The following EPHA3 variants were observed in gnomAD, a reference collection of about 807,000 sequenced individuals.
EPHA3 encodes the protein EPH receptor A3, also known as ephrin type-A receptor 3.
In EPHA3, 42 loss-of-function variants were observed where a neutral mutation model predicts 107.1. That is an observed-to-expected ratio of 0.39 (90% confidence interval 0.31 to 0.51). The LOEUF (loss-of-function observed/expected upper bound fraction) is 0.51, where lower values mean the gene tolerates loss of function less well. EPHA3 is among the 20% of genes least tolerant of loss of function. The pLI, the probability that EPHA3 is intolerant of heterozygous loss-of-function variation, is 0.78. For missense variants in EPHA3, 1,183 were observed against 1,211.2 expected (o/e 0.98, Z 0.35); for synonymous variants, 461 against 424.8 (o/e 1.09, Z -1.05).
chr3:89,208,464 A>AAGAAAGAAAGAAAGAAAGAAAG, intron 2 of EPHA3, among the ~76,000 whole-genome samples: 3 of 146,484 alleles, frequency 2.0e-5, no homozygotes, highest in Admixed American at 6.8e-5. Context: ...GAAAGAAAGA[A>AAGAAAGAAAGAAAGAAAGAAAG]AGAAAGAAAG....
At chr3:89,281,001 TTTA>T (rs1251767305) in intron 3 of EPHA3, among the ~76,000 whole-genome samples, 1 of 113,674 alleles carries the variant, frequency 8.8e-6, no homozygotes, top group Non-Finnish European at 1.8e-5. Context: ...TTACAAGATT[TTTA>T]TTATTTATTT....
At chr3:89,272,554 A>G (rs1298419520) in intron 3 of EPHA3, among the ~76,000 whole-genome samples, 2 of 151,950 alleles carry the variant, frequency 1.3e-5, no homozygotes, top group African/African-American at 4.8e-5. Context: ...GCTATGCCAG[A>G]TTTTTAAGTG....
At chr3:89,304,163 C>A (rs540481891) in intron 3 of EPHA3, among the ~76,000 whole-genome samples, 27 of 152,028 alleles carry the variant, frequency 1.8e-4, no homozygotes, top group African/African-American at 6.3e-4. Context: ...CTGTGGTTTT[C>A]CCTCCAACTT....
At chr3:89,123,946 G>C (rs1192208818) in intron 1 of EPHA3, among the ~76,000 whole-genome samples, 1 of 152,130 alleles carries the variant, frequency 6.6e-6, no homozygotes, top group East Asian at 1.9e-4. Context: ...TTACAGCTTT[G>C]ATAAATAACT....
chr3:89,229,121 C>G (rs1300440076), intron 3 of EPHA3, among the ~76,000 whole-genome samples: 2 of 151,840 alleles, frequency 1.3e-5, no homozygotes, highest in African/African-American at 4.8e-5. Context: ...GATGTAAGTG[C>G]TAAACAAAAG....
intron 3 of EPHA3, among the ~76,000 whole-genome samples, chr3:89,311,171 A>T (rs1706756293): frequency 6.6e-6 from 1 of 152,046 alleles, no homozygotes; most frequent in African/African-American, 2.4e-5. Flanking sequence ...TACATATATG[A>T]TGCCCCTCCC....
intron 11 of EPHA3, among the ~76,000 whole-genome samples, 154 bp from the exon 12 acceptor site, chr3:89,428,952 G>T (rs1458556460): frequency 5.9e-5 from 9 of 152,024 alleles, no homozygotes; most frequent in Non-Finnish European, 8.8e-5. Flanking sequence ...ATTTTCTAAT[G>T]AAACCTAGGG....
intron 3 of EPHA3, among the ~76,000 whole-genome samples, chr3:89,241,836 C>T (rs1704902653): frequency 6.6e-6 from 1 of 151,888 alleles, no homozygotes; most frequent in Admixed American, 6.6e-5. Flanking sequence ...TAAAAGAAAA[C>T]ATATTTTAAG....
chr3:89,471,413 G>C (rs2107574207), intron 15 of EPHA3, among the ~76,000 whole-genome samples: 1 of 152,222 alleles, frequency 6.6e-6, no homozygotes. Context: ...CTGTTGCCCA[G>C]GCTGGAGTGC....
intron 2 of EPHA3, among the ~76,000 whole-genome samples, chr3:89,162,957 C>T (rs1225551823): frequency 6.6e-6 from 1 of 152,146 alleles, no homozygotes; most frequent in Non-Finnish European, 1.5e-5. Context: ...ATTCAGGTGG[C>T]AAATTGCAGT....
At chr3:89,374,071 C>T (rs1421831545) in intron 5 of EPHA3, among the ~76,000 whole-genome samples, 1 of 151,664 alleles carries the variant, frequency 6.6e-6, no homozygotes, top group African/African-American at 2.4e-5. Context: ...ATTATACACT[C>T]TCCACACACA....
At position 89,357,106 on chromosome 3, in the gene EPHA3, C is replaced by CAAAAAAAA. The variant is rs56717904; in HGVS notation, c.1306+15039_1306+15046dup. The stretch of plus-strand genomic sequence containing the variant: ...CTGGTGAAAGAGTGAGACCCTGTCT[C>CAAAAAAAA]AAAAAAAAAAAAAAAAAAAAAAAAA... On this transcript the variant is annotated intron_variant, in intron 5 of 16. Transcript: ENST00000336596. 2.1e-3 allele frequency among the ~76,000 whole-genome samples: 33 copies of CAAAAAAAA among 15,996 alleles called. 6 individuals are homozygous for CAAAAAAAA. Among genetic ancestry groups the CAAAAAAAA allele is most frequent in the African/African-American group, 6.4e-3 (30 of 4,706 alleles). 10.5% of individuals were successfully genotyped at this position (15,996 alleles called of 152,430 possible).
At chr3:89,352,943 G>T (rs1363748390) in intron 5 of EPHA3, among the ~76,000 whole-genome samples, 1 of 132,892 alleles carries the variant, frequency 7.5e-6, no homozygotes, top group Non-Finnish European at 1.6e-5. Flanking sequence ...AAGAAAGAAA[G>T]AATCCACAGT....
intron 5 of EPHA3, among the ~76,000 whole-genome samples, chr3:89,362,562 TG>T (rs1433321212): frequency 1.3e-5 from 2 of 151,174 alleles, no homozygotes; most frequent in Non-Finnish European, 3.0e-5. Flanking sequence ...ATATGACTCC[TG>T]TAATGAGCAA....
chr3:89,288,283 T>G (rs1203920336), intron 3 of EPHA3, among the ~76,000 whole-genome samples: 1 of 152,194 alleles, frequency 6.6e-6, no homozygotes, highest in Non-Finnish European at 1.5e-5. Context: ...TCTTTCTAAA[T>G]GGATGTGTCA....
At chr3:89,163,879 A>T (rs920346815) in intron 2 of EPHA3, among the ~76,000 whole-genome samples, 9 of 152,230 alleles carry the variant, frequency 5.9e-5, no homozygotes, top group African/African-American at 2.2e-4. Flanking sequence ...TGAGGTCAAT[A>T]AAACTGGTCT....
chr3:89,194,452 G>A (rs1705789084), intron 2 of EPHA3, among the ~76,000 whole-genome samples: 1 of 151,950 alleles, frequency 6.6e-6, no homozygotes, highest in Non-Finnish European at 1.5e-5. Flanking sequence ...GTCTAGGTTG[G>A]ACTTTTATTA....
intron 5 of EPHA3, among the ~76,000 whole-genome samples, chr3:89,371,182 C>T (rs1708293072): frequency 1.3e-5 from 2 of 151,290 alleles, no homozygotes; most frequent in Admixed American, 6.6e-5. Flanking sequence ...GTTTTCATTC[C>T]AGTGATTATT....
In EPHA3 at chr3:89,323,140, A is replaced by G. The variant is rs1707082019; in HGVS notation, c.815-17776A>G. Among the ~76,000 whole-genome samples the G allele has an allele frequency of 2.0e-5, 3 of 152,158 alleles. No individual in the cohort carries two copies. In the South Asian group the frequency reaches 6.2e-4, roughly 32 times the overall value. On this transcript the variant is annotated intron_variant, in intron 3 of 16. Coordinates refer to ENST00000336596, the MANE Select transcript of EPHA3 (RefSeq NM_005233.6). The stretch of plus-strand genomic sequence containing the variant: ...GCAAATGTGGTTTAATATTGCTTAA[A>G]TATATTGACACATCTACCTATGTTG...
Sources: allele counts gnomAD v4.1 joint callset (sites outside exome capture counted in the v4.1 genomes callset), GRCh38; gene constraint gnomAD v4.1.1; transcripts MANE v1.5; gene names NCBI Gene and HGNC (gene_info 2026-07-23, HGNC 2026-07-21).